LRP1B: variants seen among roughly 807,000 people sequenced by gnomAD.
LRP1B encodes the protein low-density lipoprotein receptor-related protein 1B.
A neutral mutation model predicts 556.6 loss-of-function variants in LRP1B; 217 were observed. The observed-to-expected ratio is 0.39, with a 90% CI of 0.35 to 0.44. The LOEUF is 0.44. Ranked by LOEUF, LRP1B falls within the 20% of genes least tolerant of loss-of-function variation. The pLI is 1.00. For synonymous variants in LRP1B, 2,047 were observed against 1,865.8 expected (o/e 1.10, Z -2.50); for missense variants, 5,053 against 5,620.8 (o/e 0.90, Z 3.23).
At position 141,273,479 on chromosome 2, in the gene LRP1B, A is replaced by C. The variant is rs1685164709; in HGVS notation, c.344-18838T>G. Among the ~76,000 whole-genome samples, 8 of 152,190 alleles carry C rather than the reference A, an allele frequency of 5.3e-5. No individual in the cohort carries two copies. The South Asian group carries it at 1.7e-3, about 31-fold the overall frequency. On this transcript the variant is annotated intron_variant, in intron 3 of 90. Coordinates refer to ENST00000389484, the MANE Select transcript of LRP1B (RefSeq NM_018557.3). ...AGGGTGCCAAGAAAGTTCAATGGGG[A>C]GGAATTAATTTTTCCAACAAATTGT...
intron 2 of LRP1B, among the ~76,000 whole-genome samples, chr2:141,650,759 G>A (rs1689755432): frequency 6.6e-6 from 1 of 151,974 alleles, no homozygotes. Flanking sequence ...TTGAAAAAAA[G>A]CCCATTTGAA....
At chr2:141,426,565 C>G (rs1173591554) in intron 3 of LRP1B, among the ~76,000 whole-genome samples, 1 of 137,042 alleles carries the variant, frequency 7.3e-6, no homozygotes, top group Non-Finnish European at 1.6e-5. Context: ...ATAGATCCAC[C>G]TGAATATTTG....
At chr2:141,348,636 C>A (rs1688337809) in intron 3 of LRP1B, among the ~76,000 whole-genome samples, 1 of 151,966 alleles carries the variant, frequency 6.6e-6, no homozygotes, top group Non-Finnish European at 1.5e-5. Flanking sequence ...GATGATTCAC[C>A]AGAGTGTTTC....
At chr2:140,444,233 A>T (rs563386031) in intron 65 of LRP1B, 97 bp downstream of exon 65, 1 of 1,300,140 alleles carries the variant, frequency 7.7e-7, no homozygotes, top group Non-Finnish European at 1.1e-6. Flanking sequence ...TTTTCAATTT[A>T]TCTACATCAT....
intron 7 of LRP1B, among the ~76,000 whole-genome samples, chr2:141,119,751 T>C (rs886289710): frequency 6.6e-6 from 1 of 151,680 alleles, no homozygotes; most frequent in Non-Finnish European, 1.5e-5. Context: ...TGTGTGTGTG[T>C]TAATTCAACT....
intron 2 of LRP1B, among the ~76,000 whole-genome samples, chr2:141,648,413 C>T (rs1476039404): frequency 2.0e-5 from 3 of 152,186 alleles, no homozygotes; most frequent in African/African-American, 4.8e-5. Context: ...CTTTCAAGTA[C>T]AAGTATCATC....
intron 5 of LRP1B, among the ~76,000 whole-genome samples, chr2:141,245,047 A>G (rs1684015735): frequency 6.6e-6 from 1 of 152,148 alleles, no homozygotes; most frequent in African/African-American, 2.4e-5. Flanking sequence ...GAAAAAGAGG[A>G]CGTGCTTCCT....
In LRP1B at chr2:140,291,012, T is replaced by C. The variant is rs933896960; in HGVS notation, c.12967+6796A>G. Among the ~76,000 whole-genome samples, 10 of 152,048 alleles carry C rather than the reference T, an allele frequency of 6.6e-5. No homozygotes were observed. In the East Asian group the frequency reaches 9.7e-4, roughly 15 times the overall value. Reference sequence around the variant, plus strand: ...GACTAATAGTATTAATCTCAAAGGGTTGTGTGAACATTTGTTGAAAGGATA... The same window carrying C: ...GACTAATAGTATTAATCTCAAAGGGCTGTGTGAACATTTGTTGAAAGGATA... On this transcript the variant is annotated intron_variant, in intron 84 of 90. Coordinates refer to ENST00000389484, the MANE Select transcript of LRP1B (RefSeq NM_018557.3).
chr2:140,550,542 T>A (rs763585649), intron 43 of LRP1B, among the ~76,000 whole-genome samples: 1 of 152,042 alleles, frequency 6.6e-6, no homozygotes, highest in Admixed American at 6.6e-5. Flanking sequence ...CTTAGAAAAA[T>A]TTTATCAATG....
chr2:141,101,061 G>A (rs1271194079), intron 7 of LRP1B, among the ~76,000 whole-genome samples: 3 of 152,102 alleles, frequency 2.0e-5, no homozygotes, highest in African/African-American at 4.8e-5. Flanking sequence ...CCCATGAGAC[G>A]AAGCAATGAT....
chr2:140,529,433 G>GA (rs1553481408), intron 47 of LRP1B, among the ~76,000 whole-genome samples: 36 of 105,382 alleles, frequency 3.4e-4, no homozygotes, highest in African/African-American at 1.5e-3. Flanking sequence ...AAGCTGAAAA[G>GA]GGGGGGGGGA....
intron 3 of LRP1B, among the ~76,000 whole-genome samples, chr2:141,300,312 T>C (rs1351858839): frequency 3.9e-5 from 6 of 152,212 alleles, no homozygotes; most frequent in African/African-American, 2.4e-5. Flanking sequence ...AGCACCATTA[T>C]ATAAATTTTA....
intron 3 of LRP1B, among the ~76,000 whole-genome samples, chr2:141,459,619 G>C (rs540347525): frequency 6.6e-6 from 1 of 152,108 alleles, no homozygotes; most frequent in Admixed American, 6.6e-5. Context: ...CAGGAGGGTG[G>C]GTCTTTTCCA....
rs148493337 is a variant in LRP1B, at chr2:140,397,199, G to A, written c.10415-11190C>T. Among the ~76,000 whole-genome samples, 527 of 152,136 alleles carry A rather than the reference G, an allele frequency of 3.5e-3. 4 individuals are homozygous for A. Among genetic ancestry groups the A allele is most frequent in the African/African-American group, 0.012 (510 of 41,508 alleles). ...CATTTTTTCTAATCTCTATTTTTAA[G>A]TTCTGGGGTACACGTGCAGGATGTG... On this transcript the variant is annotated intron_variant, in intron 66 of 90. Coordinates refer to ENST00000389484, the MANE Select transcript of LRP1B (RefSeq NM_018557.3).
intron 2 of LRP1B, among the ~76,000 whole-genome samples, chr2:141,643,797 C>T (rs553734571): frequency 6.6e-6 from 1 of 152,216 alleles, no homozygotes; most frequent in East Asian, 1.9e-4. Context: ...CTGTCTTCAA[C>T]ATATACTAGT....
intron 1 of LRP1B, among the ~76,000 whole-genome samples, chr2:142,046,087 C>CA (rs903783191): frequency 6.6e-6 from 1 of 151,658 alleles, no homozygotes; most frequent in Non-Finnish European, 1.5e-5. Context: ...AAGGAGAGAC[C>CA]AAAAAAAGTA....
intron 1 of LRP1B, among the ~76,000 whole-genome samples, chr2:141,926,395 C>T (rs1700334910): frequency 6.6e-6 from 1 of 152,140 alleles, no homozygotes; most frequent in South Asian, 2.1e-4. Flanking sequence ...TTTTTCCCCT[C>T]TATTGTATCC....
intron 1 of LRP1B, among the ~76,000 whole-genome samples, chr2:142,130,313 C>T (rs534812039): frequency 1.3e-5 from 2 of 152,346 alleles, no homozygotes; most frequent in Admixed American, 1.3e-4. Context: ...GGAGGGAAGT[C>T]TTTCGGAAAT....
At chr2:141,702,491 G>A (rs189514757) in intron 2 of LRP1B, among the ~76,000 whole-genome samples, 206 of 151,888 alleles carry the variant, frequency 1.4e-3, no homozygotes, top group African/African-American at 4.7e-3. Flanking sequence ...AAAACACTCT[G>A]TAAATCCAAC....
Sources: allele counts gnomAD v4.1 joint callset (sites outside exome capture counted in the v4.1 genomes callset), GRCh38; gene constraint gnomAD v4.1.1; transcripts MANE v1.5; gene names NCBI Gene and HGNC (gene_info 2026-07-23, HGNC 2026-07-21).